LNX2: variants seen among roughly 807,000 people sequenced by gnomAD.
LNX2 encodes ligand of numb-protein X 2.
Under a neutral mutation model 66.2 loss-of-function variants are expected in LNX2, and 35 were observed. The observed-to-expected ratio is 0.53, with a 90% CI of 0.40 to 0.70. The LOEUF (loss-of-function observed/expected upper bound fraction) is 0.70, where lower values mean the gene tolerates loss of function less well. LNX2 is among the 30% of genes least tolerant of loss of function. The probability of loss-of-function intolerance (pLI) is 0.00; values close to 1 mark genes in which losing one functional copy is unlikely to be tolerated. For missense variants in LNX2, 791 were observed against 850.8 expected (o/e 0.93, Z 0.87); for synonymous variants, 337 against 315.6 (o/e 1.07, Z -0.72).
chr13:27,567,093 A>G (rs1349266967), intron 4 of LNX2, among the ~76,000 whole-genome samples: 2 of 152,112 alleles, frequency 1.3e-5, no homozygotes, highest in Admixed American at 1.3e-4. Context: ...GCAGAGTTAG[A>G]GTGTTTGCTG....
At chr13:27,561,105 G>A (rs148118676) in intron 5 of LNX2, among the ~76,000 whole-genome samples, 117 of 152,206 alleles carry the variant, frequency 7.7e-4, no homozygotes, top group African/African-American at 2.7e-3. Context: ...CACAAAATAC[G>A]TTGAAACTAT....
At chr13:27,597,033 A>G (rs1018022117) in intron 1 of LNX2, among the ~76,000 whole-genome samples, 1 of 152,188 alleles carries the variant, frequency 6.6e-6, no homozygotes, top group Admixed American at 6.5e-5. Flanking sequence ...TCTAGTCTCA[A>G]TCATAAACTT....
chr13:27,580,368 T>C (rs1741765589), intron 2 of LNX2, among the ~76,000 whole-genome samples: 1 of 152,172 alleles, frequency 6.6e-6, no homozygotes, highest in South Asian at 2.1e-4. Context: ...AGCCATTCTA[T>C]ATCAGACTTA....
chr13:27,591,477 T>C (rs1355593261), intron 1 of LNX2, among the ~76,000 whole-genome samples: 1 of 152,232 alleles, frequency 6.6e-6, no homozygotes, highest in Non-Finnish European at 1.5e-5. Flanking sequence ...ACATGTTAAG[T>C]TGCTATTACC....
intron 1 of LNX2, among the ~76,000 whole-genome samples, chr13:27,585,679 T>G (rs912124263): frequency 2.0e-5 from 3 of 152,006 alleles, no homozygotes; most frequent in African/African-American, 7.2e-5. Context: ...ACGGAATTTC[T>G]GCAGATTCTT....
intron 1 of LNX2, among the ~76,000 whole-genome samples, chr13:27,591,307 AAT>A (rs1239178038): frequency 1.3e-5 from 2 of 152,194 alleles, no homozygotes; most frequent in African/African-American, 2.4e-5. Context: ...ACAAATGCAT[AAT>A]GTTACATGAT....
At chr13:27,585,296 C>T (rs1955471592) in intron 1 of LNX2, among the ~76,000 whole-genome samples, 1 of 151,668 alleles carries the variant, frequency 6.6e-6, no homozygotes, top group Non-Finnish European at 1.5e-5. Flanking sequence ...GTGGCGGGCG[C>T]CTGTAGTCCC....
chr13:27,602,414 T>A (rs1955667629), intron 1 of LNX2, among the ~76,000 whole-genome samples: 1 of 152,332 alleles, frequency 6.6e-6, no homozygotes, highest in South Asian at 2.1e-4. Context: ...GGTCTGATAT[T>A]CTTTCCATCA....
At chr13:27,575,176 C>G (rs966529074) in intron 2 of LNX2, among the ~76,000 whole-genome samples, 1 of 152,120 alleles carries the variant, frequency 6.6e-6, no homozygotes, top group African/African-American at 2.4e-5. Flanking sequence ...TTCTTTTACT[C>G]CTATCTGATT....
intron 1 of LNX2, among the ~76,000 whole-genome samples, chr13:27,591,705 T>G (rs1955547963): frequency 6.6e-6 from 1 of 152,132 alleles, no homozygotes; most frequent in Admixed American, 6.5e-5. Context: ...ATCCCTGCCC[T>G]TGTGAAGTTA....
intron 5 of LNX2, 51 bp from the exon 6 acceptor site, chr13:27,560,036 T>C (rs369438360): frequency 1.8e-5 from 26 of 1,472,896 alleles, no homozygotes; most frequent in Non-Finnish European, 2.3e-5. Flanking sequence ...TGTTTGTCAT[T>C]TTAAAGATTA....
chr13:27,588,381 A>C (rs74399337), intron 1 of LNX2, among the ~76,000 whole-genome samples: 6,291 of 152,296 alleles, frequency 0.041, 162 homozygotes, highest in East Asian at 0.094. Context: ...AACAACCTCT[A>C]TGAATCTCCA....
At chr13:27,613,228 A>C (rs554356596) in intron 1 of LNX2, among the ~76,000 whole-genome samples, 2 of 152,222 alleles carry the variant, frequency 1.3e-5, no homozygotes, top group East Asian at 3.9e-4. Flanking sequence ...ATGGGCTTCC[A>C]AACTGGATAG....
chr13:27,592,572 A>G, intron 1 of LNX2, among the ~76,000 whole-genome samples: 1 of 152,232 alleles, frequency 6.6e-6, no homozygotes, highest in Non-Finnish European at 1.5e-5. Context: ...GAATGGGAAG[A>G]TGATATAAAT....
At chr13:27,617,354 A>G (rs1186301656) in intron 1 of LNX2, among the ~76,000 whole-genome samples, 2 of 152,222 alleles carry the variant, frequency 1.3e-5, no homozygotes, top group African/African-American at 4.8e-5. Context: ...GAGACCTGTG[A>G]TTCTTTTTTA....
At chr13:27,568,682 C>G (rs1339436967) in intron 3 of LNX2, among the ~76,000 whole-genome samples, 1 of 152,094 alleles carries the variant, frequency 6.6e-6, no homozygotes, top group Non-Finnish European at 1.5e-5. Context: ...TTGTGTTGTT[C>G]TTGATGTTGA....
At chr13:27,592,444 A>G (rs974538147) in intron 1 of LNX2, among the ~76,000 whole-genome samples, 13 of 152,224 alleles carry the variant, frequency 8.5e-5, no homozygotes, top group Non-Finnish European at 1.6e-4. Context: ...AGTCTGTAAG[A>G]GAGCAGGTTT....
chr13:27,552,033 T>C (rs531514838), intron 8 of LNX2, among the ~76,000 whole-genome samples: 20 of 152,328 alleles, frequency 1.3e-4, no homozygotes, highest in African/African-American at 4.6e-4. Flanking sequence ...TAGTAGCCTT[T>C]TATCGACAGG....
At chr13:27,619,960 G>C (rs1230035208) in intron 1 of LNX2, among the ~76,000 whole-genome samples, 1 of 152,158 alleles carries the variant, frequency 6.6e-6, no homozygotes, top group Admixed American at 6.5e-5. Context: ...GATAAAGGCA[G>C]CTAGTGCCAC....
Sources: allele counts gnomAD v4.1 joint callset (sites outside exome capture counted in the v4.1 genomes callset), GRCh38; gene constraint gnomAD v4.1.1; transcripts MANE v1.5; gene names NCBI Gene and HGNC (gene_info 2026-07-23, HGNC 2026-07-21).